FBXO42: variants seen among roughly 807,000 people sequenced by gnomAD.
FBXO42 encodes F-box protein 42.
In FBXO42, 12 loss-of-function variants were observed where a neutral mutation model predicts 71.7. The observed-to-expected ratio is 0.17, with a 90% CI of 0.11 to 0.27. The LOEUF (loss-of-function observed/expected upper bound fraction) is 0.27. Ranked by LOEUF, FBXO42 falls within the 10% of genes least tolerant of loss-of-function variation. The pLI is 1.00. For missense variants in FBXO42, 707 were observed against 911.9 expected (o/e 0.78, Z 2.89); for synonymous variants, 325 against 327.5 (o/e 0.99, Z 0.08).
chr1:16,314,078 C>T (rs1214021284), intron 2 of FBXO42, among the ~76,000 whole-genome samples: 2 of 152,062 alleles, frequency 1.3e-5, no homozygotes, highest in African/African-American at 2.4e-5. Context: ...CTCAGCCTCC[C>T]GAGTAGCTGG....
chr1:16,328,892 C>T (rs766678692), intron 1 of FBXO42, among the ~76,000 whole-genome samples: 8 of 151,948 alleles, frequency 5.3e-5, no homozygotes, highest in Non-Finnish European at 1.2e-4. Flanking sequence ...TGGCCGGGTG[C>T]GGTGGCTCAC....
rs148479435 is a variant in FBXO42 at position 16,268,882 on chromosome 1, G to A, written c.503-12123C>T. Among the ~76,000 whole-genome samples the A allele has an allele frequency of 7.5e-3, 1,129 of 150,802 alleles. 10 individuals are homozygous for A. The highest frequency in any genetic ancestry group is 0.026 in the African/African-American group (1,074 of 41,372). On this transcript the variant is annotated intron_variant, in intron 4 of 9. Transcript: ENST00000375592. ...TGCCTGTAATCCCAGCTACTCGGGA[G>A]GCTGAGACAGGAGAATTACTTGAAC...
intron 2 of FBXO42, among the ~76,000 whole-genome samples, chr1:16,308,488 A>ATC (rs1329696224): frequency 3.5e-4 from 48 of 138,188 alleles, no homozygotes; most frequent in Non-Finnish European, 5.9e-4. Flanking sequence ...AGTGAGACCC[A>ATC]TCTCTCTTTT....
At chr1:16,270,098 A>C (rs903226715) in intron 4 of FBXO42, among the ~76,000 whole-genome samples, 1 of 151,818 alleles carries the variant, frequency 6.6e-6, no homozygotes, top group Non-Finnish European at 1.5e-5. Flanking sequence ...TCAAGTGATC[A>C]GCCTGCCAAG....
At chr1:16,338,363 A>G (rs900657185) in intron 1 of FBXO42, among the ~76,000 whole-genome samples, 1 of 151,540 alleles carries the variant, frequency 6.6e-6, no homozygotes, top group African/African-American at 2.4e-5. Context: ...CCAAAAAAAA[A>G]AAAAAAAAAA....
At chr1:16,307,318 G>C (rs544879884) in intron 2 of FBXO42, among the ~76,000 whole-genome samples, 2 of 152,204 alleles carry the variant, frequency 1.3e-5, no homozygotes, top group East Asian at 3.9e-4. Flanking sequence ...GGGCAACATA[G>C]CAAGACCCCA....
At chr1:16,330,685 T>C (rs112932709) in intron 1 of FBXO42, among the ~76,000 whole-genome samples, 3,704 of 152,180 alleles carry the variant, frequency 0.024, 130 homozygotes, top group African/African-American at 0.085. Flanking sequence ...CTCACGCCTG[T>C]AATCTCAGCA....
Position 16,315,159 on chromosome 1 carries a change from T to A in FBXO42, c.250+10A>T, listed in dbSNP as rs199647911. The A allele has an allele frequency of 6.3e-7, 1 of 1,592,664 alleles. No individual in the cohort carries two copies. The highest frequency in any genetic ancestry group is 1.7e-4 in the Middle Eastern group (1 of 5,950). On this transcript the variant is annotated intron_variant, in intron 2 of 9. Transcript: ENST00000375592. The stretch of plus-strand genomic sequence containing the variant: ...AATCAATAAATAAACCTTTCTCCTA[T>A]CCACAGTACCTTTGATAAGTCGATA...
chr1:16,326,500 A>G (rs1258551517), intron 1 of FBXO42, among the ~76,000 whole-genome samples: 1 of 151,754 alleles, frequency 6.6e-6, no homozygotes, highest in Non-Finnish European at 1.5e-5. Context: ...CCTGGGCAAC[A>G]TGGTCAAACT....
chr1:16,293,311 G>A (rs1182919638), intron 4 of FBXO42: 1 of 152,232 alleles, frequency 6.6e-6, no homozygotes, highest in Non-Finnish European at 1.5e-5. Context: ...AGGAGAGACA[G>A]GGTTTCATCA....
At chr1:16,283,495 T>TTTTTTTTGTTTG (rs2081987628) in intron 4 of FBXO42, among the ~76,000 whole-genome samples, 2 of 68,736 alleles carry the variant, frequency 2.9e-5, no homozygotes, top group Non-Finnish European at 5.5e-5. Flanking sequence ...CTGTGGCAAG[T>TTTTTTTTGTTTG]TTTTTTTTTT....
At chr1:16,264,391 A>G (rs924345095) in intron 4 of FBXO42, among the ~76,000 whole-genome samples, 3 of 152,226 alleles carry the variant, frequency 2.0e-5, no homozygotes, top group African/African-American at 7.2e-5. Context: ...CTCCTGCAAG[A>G]ACACTTATAA....
intron 1 of FBXO42, among the ~76,000 whole-genome samples, chr1:16,348,410 T>G (rs976829695): frequency 2.0e-5 from 3 of 152,060 alleles, no homozygotes; most frequent in Non-Finnish European, 4.4e-5. Flanking sequence ...AAAAGTTTAG[T>G]GTAATTCGTC....
chr1:16,276,843 C>T (rs1397344271), intron 4 of FBXO42, among the ~76,000 whole-genome samples: 2 of 152,196 alleles, frequency 1.3e-5, no homozygotes, highest in African/African-American at 4.8e-5. Context: ...AGGATCACAG[C>T]ATGTAGATTT....
At chr1:16,282,414 C>T (rs571786089) in intron 4 of FBXO42, among the ~76,000 whole-genome samples, 18 of 151,412 alleles carry the variant, frequency 1.2e-4, no homozygotes, top group African/African-American at 3.6e-4. Context: ...TTAGCAGAGA[C>T]GGGGTTTTGC....
At chr1:16,302,991 G>A (rs569694410) in intron 3 of FBXO42, among the ~76,000 whole-genome samples, 28 of 152,174 alleles carry the variant, frequency 1.8e-4, no homozygotes, top group African/African-American at 5.5e-4. Context: ...CATATCTGGC[G>A]GGCACACTGC....
intron 4 of FBXO42, among the ~76,000 whole-genome samples, chr1:16,286,842 T>C (rs1448285113): frequency 1.3e-5 from 2 of 152,198 alleles, no homozygotes; most frequent in Non-Finnish European, 1.5e-5. Flanking sequence ...TGAAGAGTCA[T>C]CTTGATTGCT....
intron 1 of FBXO42, among the ~76,000 whole-genome samples, chr1:16,317,076 T>G (rs2082374736): frequency 6.6e-6 from 1 of 151,146 alleles, no homozygotes; most frequent in South Asian, 2.1e-4. Flanking sequence ...AGGTCAGGAG[T>G]TCAAAACCAG....
rs140092613 is a variant in FBXO42 at position 16,318,816 on chromosome 1, C to T, written c.-17-3381G>A. On this transcript the variant is annotated intron_variant, in intron 1 of 9. Transcript: ENST00000375592. The stretch of plus-strand genomic sequence containing the variant: ...GACAAAGCCTGTCCAACAGAGAGCT[C>T]GGGAGCAAAGACGGCCACTCAGGGG... Among the ~76,000 whole-genome samples, 1,191 of 152,126 alleles carry T rather than the reference C, an allele frequency of 7.8e-3. 10 individuals carry two copies. The highest frequency in any genetic ancestry group is 0.013 in the Non-Finnish European group (888 of 67,994).
Sources: allele counts gnomAD v4.1 joint callset (sites outside exome capture counted in the v4.1 genomes callset), GRCh38; gene constraint gnomAD v4.1.1; transcripts MANE v1.5; gene names NCBI Gene and HGNC (gene_info 2026-07-23, HGNC 2026-07-21).